Variants in HLA-DOA observed in about 807,000 individuals in gnomAD.
The protein encoded by HLA-DOA is major histocompatibility complex, class II, DO alpha, also known as HLA class II histocompatibility antigen, DO alpha chain.
In HLA-DOA, 27 loss-of-function variants were observed where a neutral mutation model predicts 22.9. That is an observed-to-expected ratio of 1.18 (90% CI 0.87 to 1.62). The LOEUF is 1.62. HLA-DOA is among the 40% of genes most tolerant of loss of function. The pLI, the probability that HLA-DOA is intolerant of heterozygous loss-of-function variation, is 0.00. For missense variants in HLA-DOA, 324 were observed against 332.4 expected, an observed-to-expected ratio of 0.97 and a Z score of 0.20; for synonymous variants, 137 against 138.6, an observed-to-expected ratio of 0.99 and a Z score of 0.08.
In HLA-DOA at chr6:33,006,768, G is replaced by T. The variant is rs1383244191; in HGVS notation, c.*70C>A. 6.2e-7 allele frequency: 1 copy of T among 1,612,522 alleles called. No homozygotes were observed. Among genetic ancestry groups the T allele is most frequent in the Non-Finnish European group, 8.5e-7 (1 of 1,179,556 alleles). On this transcript the variant is annotated 3_prime_UTR_variant, in exon 5 of 5. Transcript: ENST00000229829. ...GATGCACTTAAAGGGCACTGAGCACGCAGGGGCTGTCACAAACCCATGAGG... is the reference window on the plus strand; with the variant it reads ...GATGCACTTAAAGGGCACTGAGCACTCAGGGGCTGTCACAAACCCATGAGG...
At position 33,007,465 on chromosome 6, in the gene HLA-DOA, A is replaced by C. The variant is rs1383840380; in HGVS notation, c.459T>G (p.Thr153=). Residue 153 remains threonine, a synonymous_variant, in exon 3 of 5, where the codon ACT becomes ACG. Coordinates refer to ENST00000229829, the MANE Select transcript of HLA-DOA (RefSeq NM_002119.4). The part of the protein sequence containing the change: ...INITWLRNGQ[T]VTEGVAQTSF... ...TGGTCTGGGCCACTCCCTCAGTGACAGTTTGGCCGTTGCGCAGCCAGGTGA... is the reference window on the plus strand; with the variant it reads ...TGGTCTGGGCCACTCCCTCAGTGACCGTTTGGCCGTTGCGCAGCCAGGTGA... The C allele has an allele frequency of 1.2e-6, 2 of 1,612,046 alleles. No individual in the cohort carries two copies. Among genetic ancestry groups the C allele is most frequent in the South Asian group, 1.1e-5 (1 of 90,914 alleles).
Position 33,007,364 on chromosome 6 carries a change from T to C in HLA-DOA, c.560A>G (p.Tyr187Cys), listed in dbSNP as rs772905963. 7.5e-6 allele frequency: 12 copies of C among 1,609,118 alleles called. No individual in the cohort carries two copies. The highest frequency in any genetic ancestry group is 1.1e-5 in the South Asian group (1 of 90,720). ...LPFVPSAEDVYDCQVEHWGLD... is the reference protein window; with the variant it reads ...LPFVPSAEDVCDCQVEHWGLD... ...GCCCCAGTGCTCCACCTGGCAGTCA[T>C]AGACGTCCTCGGCTGAGGGCACGAA... Residue 187 changes from tyrosine to cysteine, a missense_variant, in exon 3 of 5, where the codon TAT becomes TGT. Transcript: ENST00000229829.
rs1452881143 is a variant in HLA-DOA, at chr6:33,007,362, C to T, written c.562G>A (p.Asp188Asn). The T allele has an allele frequency of 4.4e-6, 7 of 1,608,884 alleles. No homozygotes were observed. Among genetic ancestry groups the T allele is most frequent in the African/African-American group, 2.7e-5 (2 of 74,872 alleles). ...AGGCCCCAGTGCTCCACCTGGCAGTCATAGACGTCCTCGGCTGAGGGCACG... is the reference window on the plus strand; with the variant it reads ...AGGCCCCAGTGCTCCACCTGGCAGTTATAGACGTCCTCGGCTGAGGGCACG... The part of the protein sequence containing the change: ...PFVPSAEDVY[D>N]CQVEHWGLDA... The change falls in exon 3 of 5, where the codon GAC becomes AAC. Residue 188 changes from aspartate (D) to asparagine (N), a missense_variant. Coordinates refer to ENST00000229829, the MANE Select transcript of HLA-DOA (RefSeq NM_002119.4).
In HLA-DOA at chr6:33,008,272, C is replaced by A. The variant is rs763897392; in HGVS notation, c.83-11G>T. On this transcript the variant is annotated splice_polypyrimidine_tract_variant and intron_variant, in intron 1 of 4. Transcript: ENST00000229829. Reference sequence around the variant, plus strand: ...AGCCCATGTGGTCAGCTGTGTTTGGCGAGTTCAGGGTCAAGGAGAGAGAAA... The same window carrying A: ...AGCCCATGTGGTCAGCTGTGTTTGGAGAGTTCAGGGTCAAGGAGAGAGAAA... 1.2e-6 allele frequency: 2 copies of A among 1,611,354 alleles called. No homozygotes were observed. The highest frequency in any genetic ancestry group is 1.3e-5 in the African/African-American group (1 of 74,768).
chr6:33,008,866 C>A (rs906021319), intron 1 of HLA-DOA, among the ~76,000 whole-genome samples: 4 of 152,078 alleles, frequency 2.6e-5, no homozygotes, highest in Non-Finnish European at 5.9e-5. Context: ...TGTGGCTCTT[C>A]CATAACTGTT....
chr6:33,007,133 G>A lies in HLA-DOA; in HGVS notation c.696C>T (p.Phe232=). Residue 232 remains phenylalanine (F), a synonymous_variant, in exon 4 of 5, where the codon TTC becomes TTT. Coordinates refer to ENST00000229829, the MANE Select transcript of HLA-DOA (RefSeq NM_002119.4). ...ALGLAIGLVG[F]LVGTVLIIMG... ...TGATGATGAGGACGGTGCCCACGAG[G>A]AAGCCCACCAGGCCGATGGCCAGGC... is the stretch of plus-strand genomic sequence containing the variant. The A allele has an allele frequency of 6.2e-7, 1 of 1,613,948 alleles. No homozygotes were observed. Among genetic ancestry groups the A allele is most frequent in the Non-Finnish European group, 8.5e-7 (1 of 1,180,038 alleles).
At position 33,006,302 on chromosome 6, in the gene HLA-DOA, T is replaced by C. The variant is rs895410780; in HGVS notation, c.*536A>G. 1 of 174,818 alleles carries C rather than the reference T, an allele frequency of 5.7e-6. No individual in the cohort carries two copies. The highest frequency in any genetic ancestry group is 1.2e-5 in the Non-Finnish European group (1 of 80,724). The allele number at this position is 174,818 out of a possible 1,614,324, so 10.8% of individuals were successfully genotyped here. ...CAGGAGTGGAGTCCCCATGAGCCTGTCCTGTCCCAGCACCCTTCAGAACTG... is the reference window on the plus strand; with the variant it reads ...CAGGAGTGGAGTCCCCATGAGCCTGCCCTGTCCCAGCACCCTTCAGAACTG... On this transcript the variant is annotated 3_prime_UTR_variant, in exon 5 of 5. Transcript: ENST00000229829.
rs1227186240 is a variant in HLA-DOA, at chr6:33,005,685, C to T, written c.*1153G>A. ...CTTGAACTCCTGGGCTCAAGCACTC[C>T]TCCGGCCTCAGCCTCCCCAGTGGCT... On this transcript the variant is annotated 3_prime_UTR_variant, in exon 5 of 5. Transcript: ENST00000229829. The T allele has an allele frequency of 6.6e-6, 1 of 152,178 alleles. No individual in the cohort carries two copies. The highest frequency in any genetic ancestry group is 1.5e-5 in the Non-Finnish European group (1 of 68,092). 9.4% of individuals were successfully genotyped at this position (152,178 alleles called of 1,614,324 possible). A position where few individuals can be genotyped will look rare whatever the true frequency, so the allele number is the denominator to read the frequency against.
intron 4 of HLA-DOA, 60 bp from the exon 5 acceptor site, chr6:33,006,901 C>A: frequency 6.7e-7 from 1 of 1,484,860 alleles, no homozygotes; most frequent in African/African-American, 1.4e-5. Flanking sequence ...GGGATCCTAT[C>A]TCTGAGTGCC....
Position 33,006,603 on chromosome 6 carries a change from G to C in HLA-DOA, c.*235C>G. The stretch of plus-strand genomic sequence containing the variant: ...ATTTAGTGCTGCCAGCCAGAGCTTT[G>C]GGTAGAGCAAGAATGTGTGTGTGTG... On this transcript the variant is annotated 3_prime_UTR_variant, in exon 5 of 5. Coordinates refer to ENST00000229829, the MANE Select transcript of HLA-DOA (RefSeq NM_002119.4). 2 of 642,246 alleles carry C rather than the reference G, an allele frequency of 3.1e-6. No individual in the cohort carries two copies. The highest frequency in any genetic ancestry group is 5.5e-5 in the East Asian group (2 of 36,604). The allele number at this position is 642,246 out of a possible 1,614,324, so 39.8% of individuals were successfully genotyped here. A position where few individuals can be genotyped will look rare whatever the true frequency, so the allele number is the denominator to read the frequency against.
At position 33,008,120 on chromosome 6, in the gene HLA-DOA, C is replaced by G. The variant is rs747859648; in HGVS notation, c.224G>C (p.Gly75Ala). The change falls in exon 2 of 5, where the codon GGT becomes GCT. Residue 75 changes from glycine to alanine, a missense_variant. By Grantham distance (60) the Gly-to-Ala change is moderately conservative. Transcript: ENST00000229829. ...SEAVWRLPEF[G>A]DFARFDPQGG... is the part of the protein sequence containing the mutation. Reference sequence around the variant, plus strand: ...CTGCGGGTCAAAGCGGGCAAAGTCACCAAACTCAGGCAGACGCCACACGGC... The same window carrying G: ...CTGCGGGTCAAAGCGGGCAAAGTCAGCAAACTCAGGCAGACGCCACACGGC... 4 of 1,613,088 alleles carry G rather than the reference C, an allele frequency of 2.5e-6. No homozygotes were observed. The highest frequency in any genetic ancestry group is 3.4e-6 in the Non-Finnish European group (4 of 1,180,036).
At chr6:33,008,465 C>T (rs979341740) in intron 1 of HLA-DOA, 24 of 1,355,820 alleles carry the variant, frequency 1.8e-5, no homozygotes, top group East Asian at 8.4e-5. Context: ...ACACTGCAGT[C>T]GGCACAGAGA....
rs1780819336 is a variant in HLA-DOA at position 33,006,655 on chromosome 6, G to A, written c.*183C>T. On this transcript the variant is annotated 3_prime_UTR_variant, in exon 5 of 5. Coordinates refer to ENST00000229829, the MANE Select transcript of HLA-DOA (RefSeq NM_002119.4). ...TGAATGGGAAGGGAAGCTAGTAGGT[G>A]TCCAACAAACCCTGCCATGAATACT... is the stretch of plus-strand genomic sequence containing the variant. The A allele has an allele frequency of 2.5e-6, 2 of 812,174 alleles. No individual in the cohort carries two copies. Among genetic ancestry groups the A allele is most frequent in the Admixed American group, 3.9e-5 (2 of 50,706 alleles). 50.3% of individuals were successfully genotyped at this position (812,174 alleles called of 1,614,324 possible).
Position 33,006,325 on chromosome 6 carries a change from C to T in HLA-DOA, c.*513G>A, listed in dbSNP as rs1245889317. On this transcript the variant is annotated 3_prime_UTR_variant, in exon 5 of 5. Transcript: ENST00000229829. ...TGTCCTGTCCCAGCACCCTTCAGAA[C>T]TGTTGTTAGCTGAGGGGGTCGTGAG... 1 of 201,702 alleles carries T rather than the reference C, an allele frequency of 5.0e-6. No homozygotes were observed. The highest frequency in any genetic ancestry group is 5.2e-5 in the Admixed American group (1 of 19,308). The allele number at this position is 201,702 out of a possible 1,614,324, so 12.5% of individuals were successfully genotyped here.
chr6:33,006,815 A>G lies in HLA-DOA; in HGVS notation c.*23T>C, dbSNP rs1208079669. ...GAGGATCTGCAGGGTGTCTCCCACA[A>G]GTCATTTCTCTCAGAAGGATCATTA... On this transcript the variant is annotated 3_prime_UTR_variant, in exon 5 of 5. Transcript: ENST00000229829. The G allele has an allele frequency of 1.2e-6, 2 of 1,612,942 alleles. No homozygotes were observed. The highest frequency in any genetic ancestry group is 2.7e-5 in the African/African-American group (2 of 75,038).
Position 33,007,387 on chromosome 6 carries a change from G to C in HLA-DOA, c.537C>G (p.Phe179Leu). Residue 179 changes from phenylalanine (F) to leucine (L), a missense_variant, in exon 3 of 5, where the codon TTC becomes TTG. By Grantham distance (22) the Phe-to-Leu change is conservative. Transcript: ENST00000229829. ...CATAGACGTCCTCGGCTGAGGGCACGAAGGGCAGGTAGTGGAACTTGCGGA... is the reference window on the plus strand; with the variant it reads ...CATAGACGTCCTCGGCTGAGGGCACCAAGGGCAGGTAGTGGAACTTGCGGA... ...HLFRKFHYLP[F>L]VPSAEDVYDC... is the part of the protein sequence containing the mutation. 1 of 1,605,464 alleles carries C rather than the reference G, an allele frequency of 6.2e-7. No homozygotes were observed. The highest frequency in any genetic ancestry group is 8.5e-7 in the Non-Finnish European group (1 of 1,175,218).
chr6:33,006,562 C>A lies in HLA-DOA; in HGVS notation c.*276G>T. 2 of 603,748 alleles carry A rather than the reference C, an allele frequency of 3.3e-6. No homozygotes were observed. Among genetic ancestry groups the A allele is most frequent in the African/African-American group, 1.8e-5 (1 of 54,314 alleles). The allele number at this position is 603,748 out of a possible 1,614,324, so 37.4% of individuals were successfully genotyped here. On this transcript the variant is annotated 3_prime_UTR_variant, in exon 5 of 5. Coordinates refer to ENST00000229829, the MANE Select transcript of HLA-DOA (RefSeq NM_002119.4). ...GCCAAGGCCTGGAAAGGACACAGTGCAAACACCACCAAAGCATTTAGTGCT... is the reference window on the plus strand; with the variant it reads ...GCCAAGGCCTGGAAAGGACACAGTGAAAACACCACCAAAGCATTTAGTGCT...
chr6:33,007,107 A>G lies in HLA-DOA; in HGVS notation c.722T>C (p.Met241Thr), dbSNP rs1254462741. Residue 241 changes from methionine (M) to threonine (T), a missense_variant, in exon 4 of 5, where the codon ATG becomes ACG. Physicochemically the swap from Met to Thr is moderately conservative, Grantham distance 81. Coordinates refer to ENST00000229829, the MANE Select transcript of HLA-DOA (RefSeq NM_002119.4). ...GFLVGTVLII[M>T]GTYVSSVPR Reference sequence around the variant, plus strand: ...GGGGACACTGGACACATATGTGCCCATGATGATGAGGACGGTGCCCACGAG... The same window carrying G: ...GGGGACACTGGACACATATGTGCCCGTGATGATGAGGACGGTGCCCACGAG... The G allele has an allele frequency of 5.6e-6, 9 of 1,613,584 alleles. No individual in the cohort carries two copies. The Middle Eastern group carries it at 6.6e-4, about 118-fold the overall frequency.
At position 33,008,219 on chromosome 6, in the gene HLA-DOA, T is replaced by G; in HGVS notation, c.125A>C (p.Tyr42Ser). The stretch of plus-strand genomic sequence containing the variant: ...ATGGGTGAACTGGCCCGAGGCGCCG[T>G]AAGACTGGTAGAAGGCGGGTCCGTA... ...GSYGPAFYQS[Y>S]GASGQFTHEF... Residue 42 changes from tyrosine (Y) to serine (S), a missense_variant, in exon 2 of 5, where the codon TAC becomes TCC. Physicochemically the swap from Tyr to Ser is moderately radical, Grantham distance 144. Coordinates refer to ENST00000229829, the MANE Select transcript of HLA-DOA (RefSeq NM_002119.4). 6.2e-7 allele frequency: 1 copy of G among 1,613,016 alleles called. No homozygotes were observed. The highest frequency in any genetic ancestry group is 8.5e-7 in the Non-Finnish European group (1 of 1,180,022).
Sources: allele counts gnomAD v4.1 joint callset (sites outside exome capture counted in the v4.1 genomes callset), GRCh38; gene constraint gnomAD v4.1.1; transcripts MANE v1.5; gene names NCBI Gene and HGNC (gene_info 2026-07-23, HGNC 2026-07-21).